TBX19: variants seen among roughly 807,000 people sequenced by gnomAD.
The protein encoded by TBX19 is T-box transcription factor 19.
Under a neutral mutation model 40.9 loss-of-function variants are expected in TBX19, and 33 were observed. The ratio of observed to expected loss-of-function variants is 0.81; its 90% CI spans 0.61 to 1.08. The LOEUF (loss-of-function observed/expected upper bound fraction) is 1.08. TBX19 is among the 50% of genes least tolerant of loss of function. The pLI, the probability that TBX19 is intolerant of heterozygous loss-of-function variation, is 0.00. For missense variants in TBX19, 494 were observed against 574.0 expected, an observed-to-expected ratio of 0.86 and a Z score of 1.42; for synonymous variants, 220 against 225.0, an observed-to-expected ratio of 0.98 and a Z score of 0.20.
intron 3 of TBX19, among the ~76,000 whole-genome samples, chr1:168,294,831 A>G (rs1649060338): frequency 1.3e-5 from 2 of 152,074 alleles, no homozygotes; most frequent in Non-Finnish European, 1.5e-5. Context: ...TAATGCTGCA[A>G]TGAATATCCT....
At chr1:168,308,628 G>C in intron 6 of TBX19, 114 bp from the exon 7 acceptor site, 1 of 1,316,494 alleles carries the variant, frequency 7.6e-7, no homozygotes, top group South Asian at 1.2e-5. Flanking sequence ...CTAACAAACT[G>C]TTGGTGCCTG....
intron 3 of TBX19, among the ~76,000 whole-genome samples, chr1:168,294,341 T>C (rs552176488): frequency 6.6e-6 from 1 of 151,888 alleles, no homozygotes; most frequent in East Asian, 1.9e-4. Context: ...CTGTTTTCTT[T>C]TTTTTTTTTG....
intron 1 of TBX19, among the ~76,000 whole-genome samples, chr1:168,285,297 ACACCC>A (rs1648778970): frequency 3.1e-5 from 4 of 128,460 alleles, no homozygotes; most frequent in Non-Finnish European, 6.9e-5. Flanking sequence ...ACACACACAC[ACACCC>A]CTCTAAAAGT....
intron 1 of TBX19, among the ~76,000 whole-genome samples, chr1:168,283,979 G>T (rs554943821): frequency 2.0e-5 from 3 of 152,288 alleles, no homozygotes; most frequent in Non-Finnish European, 4.4e-5. Context: ...TAGGAAGCTT[G>T]CCTCTGACAT....
chr1:168,291,637 AGT>A (rs1013855586), intron 2 of TBX19, among the ~76,000 whole-genome samples: 4 of 152,154 alleles, frequency 2.6e-5, no homozygotes, highest in African/African-American at 9.7e-5. Context: ...ATGTTAAGAG[AGT>A]GAGAGAGCAG....
intron 7 of TBX19, among the ~76,000 whole-genome samples, chr1:168,309,383 A>G (rs1359847227): frequency 6.6e-6 from 1 of 152,236 alleles, no homozygotes; most frequent in Non-Finnish European, 1.5e-5. Flanking sequence ...CAAAAAATAA[A>G]CAAATAAATA....
intron 7 of TBX19, among the ~76,000 whole-genome samples, chr1:168,311,956 C>T (rs758513571): frequency 1.3e-5 from 2 of 152,158 alleles, no homozygotes; most frequent in African/African-American, 2.4e-5. Context: ...AAAAACCCCC[C>T]CTAGTGATTC....
intron 5 of TBX19, among the ~76,000 whole-genome samples, chr1:168,302,999 T>C (rs1649314430): frequency 6.6e-6 from 1 of 152,244 alleles, no homozygotes; most frequent in Admixed American, 6.5e-5. Flanking sequence ...TTTGCATTTC[T>C]ATTAACTTCT....
chr1:168,297,320 A>G (rs538623568), intron 3 of TBX19, among the ~76,000 whole-genome samples: 16 of 152,378 alleles, frequency 1.1e-4, no homozygotes, highest in African/African-American at 3.8e-4. Context: ...TGTACCAAGT[A>G]ACTAGAAAAG....
At chr1:168,298,189 C>T (rs1649164934) in intron 4 of TBX19, among the ~76,000 whole-genome samples, 1 of 152,142 alleles carries the variant, frequency 6.6e-6, no homozygotes, top group Non-Finnish European at 1.5e-5. Context: ...GAGCGAGACT[C>T]CGTCTCAGAA....
At chr1:168,284,776 A>G (rs1439305425) in intron 1 of TBX19, among the ~76,000 whole-genome samples, 1 of 151,550 alleles carries the variant, frequency 6.6e-6, no homozygotes, top group Admixed American at 6.6e-5. Flanking sequence ...CTCAAAAAAA[A>G]AAAAAAAAAA....
intron 1 of TBX19, among the ~76,000 whole-genome samples, chr1:168,283,211 A>G (rs564061790): frequency 6.6e-6 from 1 of 152,326 alleles, no homozygotes; most frequent in Admixed American, 6.5e-5. Context: ...GTCATTTAAT[A>G]TTAGCTACAT....
intron 3 of TBX19, among the ~76,000 whole-genome samples, chr1:168,293,803 G>C (rs1034984693): frequency 2.0e-5 from 3 of 152,138 alleles, no homozygotes; most frequent in Non-Finnish European, 4.4e-5. Flanking sequence ...GGGCTGAGTG[G>C]TTAGCGCCTG....
At position 168,313,008 on chromosome 1, in the gene TBX19, A is replaced by T. The variant is rs761561263; in HGVS notation, c.*6A>T. 4 of 1,613,948 alleles carry T rather than the reference A, an allele frequency of 2.5e-6. No individual in the cohort carries two copies. Among genetic ancestry groups the T allele is most frequent in the Non-Finnish European group, 3.4e-6 (4 of 1,179,968 alleles). ...CTTCCTCACTGGATGGTTAAGCAGG[A>T]TCCTAGGAGCCTCTTTGCACAGCGA... On this transcript the variant is annotated 3_prime_UTR_variant, in exon 8 of 8. Coordinates refer to ENST00000367821, the MANE Select transcript of TBX19 (RefSeq NM_005149.3).
intron 2 of TBX19, 62 bp from the exon 3 acceptor site, chr1:168,293,081 CT>C: frequency 6.2e-7 from 1 of 1,604,492 alleles, no homozygotes; most frequent in African/African-American, 1.3e-5. Flanking sequence ...ATGCTGGCTC[CT>C]TTATCACCTG....
intron 6 of TBX19, among the ~76,000 whole-genome samples, chr1:168,307,598 G>C (rs1434301519): frequency 6.6e-6 from 1 of 152,062 alleles, no homozygotes; most frequent in African/African-American, 2.4e-5. Flanking sequence ...ACCAGAGATA[G>C]ACGTTGGAAT....
intron 5 of TBX19, among the ~76,000 whole-genome samples, chr1:168,303,838 G>T (rs755361983): frequency 6.6e-6 from 1 of 152,172 alleles, no homozygotes; most frequent in African/African-American, 2.4e-5. Flanking sequence ...CATGGTGCTT[G>T]TTGAAGTGTC....
intron 6 of TBX19, among the ~76,000 whole-genome samples, chr1:168,307,477 G>A (rs1649431713): frequency 6.6e-6 from 1 of 152,056 alleles, no homozygotes; most frequent in Admixed American, 6.6e-5. Flanking sequence ...ATTCCTGAGG[G>A]TAGAGCCCCC....
intron 7 of TBX19, among the ~76,000 whole-genome samples, chr1:168,310,674 A>ATAT (rs534860356): frequency 0.015 from 2,217 of 146,570 alleles, 68 homozygotes; most frequent in African/African-American, 0.052. Flanking sequence ...ATATATATAT[A>ATAT]AAAAAATATA....
Sources: allele counts gnomAD v4.1 joint callset (sites outside exome capture counted in the v4.1 genomes callset), GRCh38; gene constraint gnomAD v4.1.1; transcripts MANE v1.5; gene names NCBI Gene and HGNC (gene_info 2026-07-23, HGNC 2026-07-21).